The following CD8A variants were observed in gnomAD, a reference collection of about 807,000 sequenced individuals.
CD8A encodes the protein CD8 subunit alpha, also known as T-cell surface glycoprotein CD8 alpha chain.
Under a neutral mutation model 24.2 loss-of-function variants are expected in CD8A, and 25 were observed. The ratio of observed to expected loss-of-function variants is 1.03; its 90% confidence interval spans 0.75 to 1.44. The LOEUF (loss-of-function observed/expected upper bound fraction) is 1.44, where lower values mean the gene tolerates loss of function less well. Among genes scored for constraint, CD8A ranks in the 40% most tolerant of loss-of-function variants. CD8A has a pLI of 0.00. For missense variants in CD8A, 360 were observed against 319.7 expected, an observed-to-expected ratio of 1.13 and a Z score of -0.96; for synonymous variants, 165 against 149.9, an observed-to-expected ratio of 1.10 and a Z score of -0.74.
intron 5 of CD8A, among the ~76,000 whole-genome samples, chr2:86,786,500 C>T (rs759528940): frequency 6.6e-6 from 1 of 152,240 alleles, no homozygotes; most frequent in Non-Finnish European, 1.5e-5. Context: ...TGTCTGCACT[C>T]TCAGCCCTCT....
chr2:86,789,906 G>A (rs1308311520), intron 2 of CD8A, among the ~76,000 whole-genome samples, 156 bp from the exon 3 acceptor site: 1 of 152,178 alleles, frequency 6.6e-6, no homozygotes, highest in African/African-American at 2.4e-5. Context: ...CGGGATGCGC[G>A]CGGACCCCTG....
intron 2 of CD8A, among the ~76,000 whole-genome samples, chr2:86,805,406 A>AT (rs1673813800): frequency 1.3e-5 from 2 of 152,026 alleles, no homozygotes; most frequent in South Asian, 4.1e-4. Context: ...CTTTTGATAC[A>AT]TTTTTCTCCG....
intron 2 of CD8A, among the ~76,000 whole-genome samples, chr2:86,805,596 T>C (rs567524616): frequency 4.6e-5 from 7 of 152,244 alleles, no homozygotes; most frequent in Non-Finnish European, 1.0e-4. Flanking sequence ...TCTGGCCCCA[T>C]GTTTGCTGGC....
In CD8A at chr2:86,801,924, A is replaced by G. The variant is rs191512376; in HGVS notation, c.-417-267T>C. On this transcript the variant is annotated intron_variant, in intron 2 of 8. Transcript: ENST00000409511. ...AAGAGCTGAATTTTCCCCCAAAATT[A>G]TGTTTTAAAAAGCTTTTTTTGAGAT... Among the ~76,000 whole-genome samples, 386 of 152,336 alleles carry G rather than the reference A, an allele frequency of 2.5e-3. 2 individuals carry two copies. Among genetic ancestry groups the G allele is most frequent in the African/African-American group, 8.8e-3 (364 of 41,596 alleles).
At chr2:86,801,705 G>C (rs897559824) in intron 2 of CD8A, 6 of 152,106 alleles carry the variant, frequency 3.9e-5, no homozygotes, top group African/African-American at 1.4e-4. Context: ...TGATTCTGCT[G>C]TAACAAAGCC....
downstream of CD8A, chr2:86,784,606 C>T (rs1327422627): frequency 8.4e-6 from 3 of 358,470 alleles, no homozygotes; most frequent in African/African-American, 2.1e-5. Context: ...CAACCAAAAT[C>T]GGATGCTGTT....
intron 2 of CD8A, among the ~76,000 whole-genome samples, chr2:86,805,865 TAAA>T (rs1229303357): frequency 2.6e-5 from 4 of 152,066 alleles, no homozygotes; most frequent in African/African-American, 9.7e-5. Context: ...GCAAAATAAA[TAAA>T]TAAGTAAATA....
intron 2 of CD8A, among the ~76,000 whole-genome samples, chr2:86,806,350 A>T (rs1673895841): frequency 6.6e-6 from 1 of 152,180 alleles, no homozygotes. Context: ...CTAGGACTAT[A>T]GAAGGAGAGG....
intron 3 of CD8A, among the ~76,000 whole-genome samples, chr2:86,797,837 C>T (rs576632974): frequency 9.2e-5 from 14 of 152,170 alleles, no homozygotes; most frequent in East Asian, 1.9e-4. Flanking sequence ...CCACCCCACC[C>T]GCCTTCTCAT....
Position 86,790,624 on chromosome 2 carries a change from C to T in CD8A, c.107G>A (p.Gly36Asp). The T allele has an allele frequency of 6.2e-7, 1 of 1,606,398 alleles. No individual in the cohort carries two copies. The highest frequency in any genetic ancestry group is 1.1e-5 in the South Asian group (1 of 90,994). Residue 36 changes from glycine to aspartate, a missense_variant, in exon 2 of 6, where the codon GGC becomes GAC. Physicochemically the swap from Gly to Asp is moderately conservative, Grantham distance 94 (BLOSUM62 -1). Coordinates refer to ENST00000283635, the MANE Select transcript of CD8A (RefSeq NM_001768.7). ...CTGGCACTTCAGCTCCACTGTCTCG[C>T]CCAGGTTCCAGGTCCGATCCAGCGG... Reference protein sequence around the residue: ...VSPLDRTWNLGETVELKCQVL... With the variant: ...VSPLDRTWNLDETVELKCQVL...
chr2:86,804,951 C>A (rs573126285), intron 2 of CD8A, among the ~76,000 whole-genome samples: 58 of 152,024 alleles, frequency 3.8e-4, no homozygotes, highest in African/African-American at 1.2e-3. Flanking sequence ...TACAGGCACA[C>A]GCCACCATGC....
chr2:86,799,256 A>T (rs1673582904), intron 3 of CD8A, among the ~76,000 whole-genome samples: 1 of 152,154 alleles, frequency 6.6e-6, no homozygotes, highest in Non-Finnish European at 1.5e-5. Context: ...TTTCTGGCCT[A>T]TTCTTTCATG....
In CD8A at chr2:86,790,902, G is replaced by A. The variant is rs761836461; in HGVS notation, c.-77C>T. ...CGCGCGGGAGCCGGTGGGGCGCCGAGGGGGGAAAGTTGCGCCCTTCGGCCG... is the reference window on the plus strand; with the variant it reads ...CGCGCGGGAGCCGGTGGGGCGCCGAAGGGGGAAAGTTGCGCCCTTCGGCCG... On this transcript the variant is annotated 5_prime_UTR_variant, in exon 1 of 6. Coordinates refer to ENST00000283635, the MANE Select transcript of CD8A (RefSeq NM_001768.7). 2 of 1,392,924 alleles carry A rather than the reference G, an allele frequency of 1.4e-6. No homozygotes were observed. The highest frequency in any genetic ancestry group is 5.0e-5 in the East Asian group (2 of 40,224). The allele number at this position is 1,392,924 out of a possible 1,614,324, so 86.3% of individuals were successfully genotyped here.
At position 86,789,292 on chromosome 2, in the gene CD8A, C is replaced by A. The variant is rs200938709; in HGVS notation, c.625+31G>T. 264 of 1,420,308 alleles carry A rather than the reference C, an allele frequency of 1.9e-4. 1 individual carries two copies. Among genetic ancestry groups the A allele is most frequent in the Non-Finnish European group, 1.9e-5 (19 of 1,002,600 alleles). 88.0% of individuals were successfully genotyped at this position (1,420,308 alleles called of 1,614,324 possible). On this transcript the variant is annotated intron_variant, in intron 4 of 5. Transcript: ENST00000283635. Reference sequence around the variant, plus strand: ...GAGCCAAGGGCAGGAGCGGGGCCGACTCCTTCCCGCCGCGATTCCTCGGGA... The same window carrying A: ...GAGCCAAGGGCAGGAGCGGGGCCGAATCCTTCCCGCCGCGATTCCTCGGGA...
At position 86,804,210 on chromosome 2, in the gene CD8A, A is replaced by G. The variant is rs377123202; in HGVS notation, c.-417-2553T>C. Among the ~76,000 whole-genome samples, 53 of 152,330 alleles carry G rather than the reference A, an allele frequency of 3.5e-4. No individual in the cohort carries two copies. In the South Asian group the frequency reaches 4.6e-3, roughly 13 times the overall value. ...ACAATAAAATTTATTTAAACAAACA[A>G]AATGTGGTATATACATAGAGTGGAA... On this transcript the variant is annotated intron_variant, in intron 2 of 8. Coordinates refer to the CD8A transcript ENST00000409511.
intron 3 of CD8A, among the ~76,000 whole-genome samples, chr2:86,797,287 A>G (rs1673512860): frequency 6.6e-6 from 1 of 152,180 alleles, no homozygotes; most frequent in Non-Finnish European, 1.5e-5. Flanking sequence ...TGGAAAGAAC[A>G]TACAGAAGAG....
At chr2:86,800,581 C>T (rs768835172) in intron 3 of CD8A, among the ~76,000 whole-genome samples, 10 of 152,128 alleles carry the variant, frequency 6.6e-5, no homozygotes, top group East Asian at 1.9e-4. Context: ...TTTCAGCAAT[C>T]GTTTTTAAGT....
At chr2:86,786,653 A>G (rs1450771831) in intron 5 of CD8A, among the ~76,000 whole-genome samples, 1 of 152,184 alleles carries the variant, frequency 6.6e-6, no homozygotes, top group Non-Finnish European at 1.5e-5. Context: ...TCTCAAAATG[A>G]GAGTTTTCAG....
At chr2:86,806,487 G>T (rs1673902568) in intron 2 of CD8A, among the ~76,000 whole-genome samples, 1 of 152,208 alleles carries the variant, frequency 6.6e-6, no homozygotes, top group Admixed American at 6.5e-5. Flanking sequence ...CTTTTTGTGG[G>T]GACAGACTGA....
Sources: allele counts gnomAD v4.1 joint callset (sites outside exome capture counted in the v4.1 genomes callset), GRCh38; gene constraint gnomAD v4.1.1; transcripts MANE v1.5; gene names NCBI Gene and HGNC (gene_info 2026-07-23, HGNC 2026-07-21).